Variants in IPO11 observed in about 807,000 individuals in gnomAD.
IPO11 encodes the protein importin 11, also known as importin-11.
In IPO11, 66 loss-of-function variants were observed where a neutral mutation model predicts 143.2. That is an observed-to-expected ratio of 0.46 (90% CI 0.38 to 0.57). The LOEUF (loss-of-function observed/expected upper bound fraction) is 0.57. IPO11 is among the 20% of genes least tolerant of loss of function. IPO11 has a pLI of 0.00. For synonymous variants in IPO11, 385 were observed against 377.8 expected (o/e 1.02, Z -0.22); for missense variants, 1,026 against 1,141.0 (o/e 0.90, Z 1.45).
chr5:62,533,024 T>C (rs1220822739), intron 22 of IPO11, among the ~76,000 whole-genome samples: 1 of 152,156 alleles, frequency 6.6e-6, no homozygotes, highest in Admixed American at 6.6e-5. Context: ...ACTTTTATTG[T>C]TCAAACAAAA....
chr5:62,606,324 A>G (rs1745713258), intron 29 of IPO11, among the ~76,000 whole-genome samples: 1 of 150,920 alleles, frequency 6.6e-6, no homozygotes, highest in Non-Finnish European at 1.5e-5. Flanking sequence ...CTAAAAAAAA[A>G]AAAAATTTAG....
intron 3 of IPO11, among the ~76,000 whole-genome samples, chr5:62,444,887 CATATATATATGTAT>C (rs760660571): frequency 4.7e-5 from 7 of 149,234 alleles, no homozygotes; most frequent in Non-Finnish European, 8.9e-5. Flanking sequence ...GAGAGAGAGA[CATATATATATGTAT>C]ATATATATAA....
intron 1 of IPO11, chr5:62,418,954 C>T: frequency 6.6e-6 from 10 of 1,524,996 alleles, no homozygotes; most frequent in Non-Finnish European, 8.8e-6. Flanking sequence ...GGGATACATC[C>T]TGAGAAATGG....
chr5:62,435,211 TG>T (rs1744172936), intron 1 of IPO11, among the ~76,000 whole-genome samples: 2 of 50,308 alleles, frequency 4.0e-5, no homozygotes, highest in Non-Finnish European at 9.1e-5. Flanking sequence ...TATATATATG[TG>T]TATATATATA....
intron 5 of IPO11, among the ~76,000 whole-genome samples, chr5:62,456,994 T>C (rs1745184016): frequency 6.6e-6 from 1 of 151,946 alleles, no homozygotes; most frequent in Non-Finnish European, 1.5e-5. Flanking sequence ...GCAGGACAAT[T>C]GCTTCAACCT....
At chr5:62,580,936 A>G in intron 27 of IPO11, 1 of 1,551,352 alleles carries the variant, frequency 6.4e-7, no homozygotes, top group Non-Finnish European at 8.7e-7. Flanking sequence ...GGAAAAAAAC[A>G]GTGCTCTACC....
intron 1 of IPO11, among the ~76,000 whole-genome samples, chr5:62,429,490 T>C (rs1743894280): frequency 6.6e-6 from 1 of 152,130 alleles, no homozygotes; most frequent in Non-Finnish European, 1.5e-5. Context: ...TGATCTTGGC[T>C]CACTGCAACC....
At chr5:62,497,852 T>A (rs1192199435) in intron 16 of IPO11, among the ~76,000 whole-genome samples, 2 of 152,224 alleles carry the variant, frequency 1.3e-5, no homozygotes, top group Non-Finnish European at 2.9e-5. Flanking sequence ...CTATCTTTCT[T>A]TTTTAAAAAA....
At chr5:62,589,342 C>T (rs1208703634) in intron 27 of IPO11, among the ~76,000 whole-genome samples, 1 of 152,138 alleles carries the variant, frequency 6.6e-6, no homozygotes, top group African/African-American at 2.4e-5. Flanking sequence ...GTCACCCTCT[C>T]ATCTTCTGGG....
intron 25 of IPO11, among the ~76,000 whole-genome samples, chr5:62,550,916 C>T (rs543196361): frequency 2.7e-5 from 4 of 149,112 alleles, no homozygotes; most frequent in Non-Finnish European, 5.9e-5. Flanking sequence ...GAGATTGCGC[C>T]GCTGCACTCC....
chr5:62,522,171 G>C lies in IPO11; in HGVS notation c.1897-3971G>C, dbSNP rs141814893. The stretch of plus-strand genomic sequence containing the variant: ...GAAGAAGAGTGTGATGAATCCTGAA[G>C]CATCACCCAACTTCAAGATCAGCAT... On this transcript the variant is annotated intron_variant, in intron 20 of 29. Coordinates refer to ENST00000325324, the MANE Select transcript of IPO11 (RefSeq NM_016338.5). Among the ~76,000 whole-genome samples, 39 of 152,200 alleles carry C rather than the reference G, an allele frequency of 2.6e-4. No homozygotes were observed. In the East Asian group the frequency reaches 5.4e-3, roughly 21 times the overall value.
intron 1 of IPO11, among the ~76,000 whole-genome samples, chr5:62,435,218 A>ATGTG (rs1561309256): frequency 7.1e-6 from 1 of 141,430 alleles, no homozygotes; most frequent in African/African-American, 2.7e-5. Flanking sequence ...ATGTGTATAT[A>ATGTG]TATATATATC....
At chr5:62,504,558 A>G (rs1177659678) in intron 16 of IPO11, 109 bp from the exon 17 acceptor site, 2 of 638,830 alleles carry the variant, frequency 3.1e-6, no homozygotes, top group Non-Finnish European at 5.5e-6. Flanking sequence ...CTGTGACTCT[A>G]ATAATAATAA....
At chr5:62,603,358 G>A (rs553374828) in intron 29 of IPO11, among the ~76,000 whole-genome samples, 1 of 152,322 alleles carries the variant, frequency 6.6e-6, no homozygotes, top group South Asian at 2.1e-4. Flanking sequence ...AAATTGTAAG[G>A]AGCACCTCCT....
intron 1 of IPO11, chr5:62,419,168 GT>G: frequency 2.6e-6 from 4 of 1,537,818 alleles, no homozygotes; most frequent in Non-Finnish European, 3.5e-6. Flanking sequence ...ACTTAGAAAG[GT>G]ACTGTAAAAA....
chr5:62,610,254 C>CT (rs745416423), intron 29 of IPO11, among the ~76,000 whole-genome samples: 14 of 152,106 alleles, frequency 9.2e-5, no homozygotes, highest in Non-Finnish European at 1.6e-4. Flanking sequence ...CTGATTATTT[C>CT]TTTTTTCCTT....
At chr5:62,491,091 A>G (rs1746593629) in intron 15 of IPO11, among the ~76,000 whole-genome samples, 1 of 152,218 alleles carries the variant, frequency 6.6e-6, no homozygotes, top group Non-Finnish European at 1.5e-5. Flanking sequence ...AATTTGAAGG[A>G]TACACTTCTA....
chr5:62,538,157 T>C (rs140465785), intron 24 of IPO11, among the ~76,000 whole-genome samples: 1 of 152,330 alleles, frequency 6.6e-6, no homozygotes, highest in Non-Finnish European at 1.5e-5. Context: ...GTGGCATTGC[T>C]TTAGAGCCTA....
intron 1 of IPO11, among the ~76,000 whole-genome samples, chr5:62,420,914 A>G (rs1743493802): frequency 6.6e-6 from 1 of 152,200 alleles, no homozygotes; most frequent in African/African-American, 2.4e-5. Context: ...TGGTCATAGA[A>G]TACACAAAAT....
Sources: allele counts gnomAD v4.1 joint callset (sites outside exome capture counted in the v4.1 genomes callset), GRCh38; gene constraint gnomAD v4.1.1; transcripts MANE v1.5; gene names NCBI Gene and HGNC (gene_info 2026-07-23, HGNC 2026-07-21).